GABRG3: variants seen among roughly 807,000 people sequenced by gnomAD.
The protein encoded by GABRG3 is gamma-aminobutyric acid receptor subunit gamma-3.
GABRG3 carries 25 observed loss-of-function variants against 48.8 expected under a neutral mutation model. That is an observed-to-expected ratio of 0.51 (90% CI 0.37 to 0.72). GABRG3 has a LOEUF of 0.72. Ranked by LOEUF, GABRG3 falls within the 30% of genes least tolerant of loss-of-function variation. GABRG3 has a pLI of 0.00. For missense variants in GABRG3, 394 were observed against 577.9 expected (o/e 0.68, Z 3.26); for synonymous variants, 227 against 217.6 (o/e 1.04, Z -0.38).
rs1201007516 is a variant in GABRG3 at position 27,505,819 on chromosome 15, A to AGAT, written c.713-14152_713-14150dup. ...CTTTTATTCAATTTTCTGAGAAAAA[A>AGAT]GATTACATAGAATTGGTGCTATTTC... On this transcript the variant is annotated intron_variant, in intron 6 of 9. Coordinates refer to ENST00000615808, the MANE Select transcript of GABRG3 (RefSeq NM_033223.5). 1.1e-4 allele frequency among the ~76,000 whole-genome samples: 17 copies of AGAT among 152,200 alleles called. 1 individual carries two copies. Among genetic ancestry groups the AGAT allele is most frequent in the African/African-American group, 3.9e-4 (16 of 41,468 alleles).
intron 3 of GABRG3, among the ~76,000 whole-genome samples, chr15:27,184,031 A>T (rs138000580): frequency 7.8e-4 from 119 of 152,344 alleles, no homozygotes; most frequent in Non-Finnish European, 1.4e-3. Flanking sequence ...TGTATTTCAT[A>T]TACACATGGG....
chr15:27,466,540 T>C (rs187466213), intron 5 of GABRG3, among the ~76,000 whole-genome samples: 2 of 152,382 alleles, frequency 1.3e-5, no homozygotes, highest in Non-Finnish European at 2.9e-5. Flanking sequence ...TCAATGCTTG[T>C]CTTCTTTTCC....
intron 3 of GABRG3, among the ~76,000 whole-genome samples, chr15:27,127,400 A>G (rs1308775153): frequency 7.2e-6 from 1 of 139,560 alleles, no homozygotes; most frequent in Admixed American, 7.8e-5. Context: ...GAGTGGTCAA[A>G]TTCATAGAGA....
At chr15:27,290,359 T>C (rs2140486002) in intron 3 of GABRG3, among the ~76,000 whole-genome samples, 1 of 151,962 alleles carries the variant, frequency 6.6e-6, no homozygotes, top group East Asian at 1.9e-4. Context: ...ACACACACAA[T>C]TGAGTGTGGG....
At chr15:26,998,489 C>T (rs530932745) in intron 2 of GABRG3, among the ~76,000 whole-genome samples, 1 of 152,268 alleles carries the variant, frequency 6.6e-6, no homozygotes, top group East Asian at 1.9e-4. Flanking sequence ...AACCCCTGAT[C>T]TTGGCTTGTT....
chr15:27,149,325 TAAAAG>T (rs1215895982), intron 3 of GABRG3, among the ~76,000 whole-genome samples: 1 of 151,162 alleles, frequency 6.6e-6, no homozygotes, highest in Non-Finnish European at 1.5e-5. Flanking sequence ...AAAATATTCT[TAAAAG>T]AAATTAACAA....
chr15:27,367,721 G>C (rs1345901478), intron 5 of GABRG3, among the ~76,000 whole-genome samples: 5 of 152,104 alleles, frequency 3.3e-5, no homozygotes, highest in Non-Finnish European at 7.3e-5. Flanking sequence ...ACTTTATATG[G>C]TTGATTATTT....
chr15:27,428,822 G>C (rs1408337679), intron 5 of GABRG3, among the ~76,000 whole-genome samples: 3 of 152,204 alleles, frequency 2.0e-5, no homozygotes, highest in Non-Finnish European at 4.4e-5. Context: ...CAAGAATCTG[G>C]AGCTGAGGGA....
chr15:27,321,828 G>A (rs1374890814), intron 3 of GABRG3, among the ~76,000 whole-genome samples: 1 of 152,234 alleles, frequency 6.6e-6, no homozygotes, highest in Non-Finnish European at 1.5e-5. Context: ...AAATTTTCTA[G>A]AAGTTACAGA....
intron 3 of GABRG3, among the ~76,000 whole-genome samples, chr15:27,322,695 T>C (rs1181470711): frequency 6.6e-6 from 1 of 152,152 alleles, no homozygotes; most frequent in Non-Finnish European, 1.5e-5. Context: ...TCGCACAGTT[T>C]ATGAACAGTG....
At chr15:27,417,815 G>T (rs891114266) in intron 5 of GABRG3, among the ~76,000 whole-genome samples, 1 of 152,172 alleles carries the variant, frequency 6.6e-6, no homozygotes, top group Non-Finnish European at 1.5e-5. Context: ...ACTGATATGC[G>T]GTAGCTGGTG....
At chr15:27,431,729 G>GT (rs1411471309) in intron 5 of GABRG3, among the ~76,000 whole-genome samples, 3 of 152,112 alleles carry the variant, frequency 2.0e-5, no homozygotes, top group Non-Finnish European at 4.4e-5. Flanking sequence ...ATGAATGTGT[G>GT]TTTGTTTTGC....
At chr15:27,028,529 G>A (rs376749409) in intron 3 of GABRG3, among the ~76,000 whole-genome samples, 242 of 152,244 alleles carry the variant, frequency 1.6e-3, no homozygotes, top group African/African-American at 5.3e-3. Context: ...AATCCAGGCC[G>A]GGCACAGTGG....
intron 5 of GABRG3, among the ~76,000 whole-genome samples, chr15:27,390,630 G>A (rs1342600892): frequency 6.6e-6 from 1 of 152,196 alleles, no homozygotes; most frequent in South Asian, 2.1e-4. Context: ...TCCCATCTAT[G>A]TTGGTGTCCT....
At chr15:27,249,733 A>C (rs1360039731) in intron 3 of GABRG3, among the ~76,000 whole-genome samples, 1 of 152,192 alleles carries the variant, frequency 6.6e-6, no homozygotes, top group Non-Finnish European at 1.5e-5. Flanking sequence ...ACCTTATGAA[A>C]ATCATTCCAA....
chr15:27,464,251 A>C (rs1228260374), intron 5 of GABRG3, among the ~76,000 whole-genome samples: 5 of 152,108 alleles, frequency 3.3e-5, no homozygotes, highest in African/African-American at 9.7e-5. Context: ...TGTACCCATT[A>C]AGCAGTTACT....
intron 3 of GABRG3, among the ~76,000 whole-genome samples, chr15:27,259,817 T>G (rs1890720400): frequency 6.6e-6 from 1 of 151,838 alleles, no homozygotes; most frequent in African/African-American, 2.4e-5. Flanking sequence ...GCAGGTGGAG[T>G]AGGGAATCCA....
chr15:27,476,787 A>G (rs554280303), intron 5 of GABRG3, among the ~76,000 whole-genome samples: 133 of 152,362 alleles, frequency 8.7e-4, no homozygotes, highest in African/African-American at 2.9e-3. Context: ...GTGGCCAAAA[A>G]TTTGACAAAA....
intron 3 of GABRG3, among the ~76,000 whole-genome samples, chr15:27,254,139 C>A (rs909220449): frequency 6.6e-6 from 1 of 152,150 alleles, no homozygotes; most frequent in East Asian, 1.9e-4. Flanking sequence ...AGAAACCCAG[C>A]CCTGGAATGC....
Sources: allele counts gnomAD v4.1 joint callset (sites outside exome capture counted in the v4.1 genomes callset), GRCh38; gene constraint gnomAD v4.1.1; transcripts MANE v1.5; gene names NCBI Gene and HGNC (gene_info 2026-07-23, HGNC 2026-07-21).